NEMP2: variants seen among roughly 807,000 people sequenced by gnomAD.
NEMP2 encodes the protein nuclear envelope integral membrane protein 2.
Under a neutral mutation model 54.2 loss-of-function variants are expected in NEMP2, and 53 were observed. The observed-to-expected ratio is 0.98, with a 90% confidence interval of 0.78 to 1.23. The LOEUF is 1.23. Ranked by LOEUF, NEMP2 falls within the 50% of genes most tolerant of loss-of-function variation. The pLI, the probability that NEMP2 is intolerant of heterozygous loss-of-function variation, is 0.00. For synonymous variants in NEMP2, 197 were observed against 190.3 expected (o/e 1.04, Z -0.29); for missense variants, 455 against 511.3 (o/e 0.89, Z 1.06).
chr2:190,490,304 C>T, the NEMP2 span, among the ~76,000 whole-genome samples: 15 of 151,662 alleles, frequency 9.9e-5, no homozygotes, highest in Admixed American at 6.6e-5. This position sits in a 1 kb window ranked among gnomAD's most constrained non-coding sequence, Gnocchi z 4.5. Context: ...TGGCTCACGC[C>T]TGTAATCCCA....
At chr2:190,472,210 C>G in the NEMP2 span, among the ~76,000 whole-genome samples, 3 of 152,232 alleles carry the variant, frequency 2.0e-5, no homozygotes, top group African/African-American at 7.2e-5. Flanking sequence ...AACGCAGCTC[C>G]TCACTAGCAA....
At chr2:190,515,569 G>C (rs2125315337) in intron 6 of NEMP2, among the ~76,000 whole-genome samples, 1 of 152,276 alleles carries the variant, frequency 6.6e-6, no homozygotes, top group African/African-American at 2.4e-5. Flanking sequence ...GAGAGGAATA[G>C]TGCAGTATTC....
At chr2:190,473,728 C>G in the NEMP2 span, among the ~76,000 whole-genome samples, 1 of 152,204 alleles carries the variant, frequency 6.6e-6, no homozygotes, top group Admixed American at 6.5e-5. Context: ...ACCTAATAGA[C>G]ATCTACAGAA....
the NEMP2 span, among the ~76,000 whole-genome samples, chr2:190,557,636 A>C: frequency 6.6e-6 from 1 of 152,216 alleles, no homozygotes; most frequent in Non-Finnish European, 1.5e-5. Context: ...AGGAAAAAAA[A>C]ACAACCCCAT....
the NEMP2 span, among the ~76,000 whole-genome samples, chr2:190,627,478 GACT>G: frequency 1.3e-5 from 2 of 151,734 alleles, no homozygotes; most frequent in African/African-American, 4.8e-5. This position sits in a 1 kb window ranked among gnomAD's most constrained non-coding sequence, Gnocchi z 4.4. Flanking sequence ...AATGTTTCTT[GACT>G]ACATTTTAAA....
At chr2:190,644,670 CACTT>C in the NEMP2 span, among the ~76,000 whole-genome samples, 1 of 151,842 alleles carries the variant, frequency 6.6e-6, no homozygotes, top group African/African-American at 2.4e-5. The surrounding 1 kb of genome is among the most constrained non-coding windows in gnomAD (Gnocchi z 4.4). Context: ...CTCATGCTCT[CACTT>C]ACAAGTGGGA....
the NEMP2 span, chr2:190,442,431 G>A: frequency 6.6e-6 from 1 of 152,082 alleles, no homozygotes; most frequent in Non-Finnish European, 1.5e-5. Flanking sequence ...GCCATAGCAA[G>A]GTTCAAAGCA....
the NEMP2 span, among the ~76,000 whole-genome samples, chr2:190,480,087 C>T: frequency 6.6e-6 from 1 of 152,166 alleles, no homozygotes; most frequent in East Asian, 1.9e-4. Context: ...TGCTTGACCC[C>T]AAAAGGTTGA....
chr2:190,568,872 AAC>A, the NEMP2 span, among the ~76,000 whole-genome samples: 1 of 152,154 alleles, frequency 6.6e-6, no homozygotes, highest in South Asian at 2.1e-4. The surrounding 1 kb of genome is among the most constrained non-coding windows in gnomAD (Gnocchi z 4.7). Context: ...ATCAGAGAAA[AAC>A]ACTGTAATAT....
At chr2:190,552,792 A>G in the NEMP2 span, among the ~76,000 whole-genome samples, 3 of 152,216 alleles carry the variant, frequency 2.0e-5, no homozygotes, top group Admixed American at 2.0e-4. Context: ...AATTGGTATT[A>G]ACTTTCTAAG....
chr2:190,449,468 C>T, the NEMP2 span, among the ~76,000 whole-genome samples: 4 of 151,280 alleles, frequency 2.6e-5, no homozygotes, highest in East Asian at 3.9e-4. Flanking sequence ...AGCAAGACTT[C>T]GTCTCAAAAA....
chr2:190,559,168 C>T, the NEMP2 span, among the ~76,000 whole-genome samples: 2 of 152,220 alleles, frequency 1.3e-5, no homozygotes, highest in African/African-American at 4.8e-5. The surrounding 1 kb of genome is among the most constrained non-coding windows in gnomAD (Gnocchi z 4.0). Context: ...GAATTGGTTA[C>T]CAGTTATCCA....
At chr2:190,562,009 A>G in the NEMP2 span, among the ~76,000 whole-genome samples, 3 of 152,224 alleles carry the variant, frequency 2.0e-5, no homozygotes, top group Admixed American at 6.5e-5. This position sits in a 1 kb window ranked among gnomAD's most constrained non-coding sequence, Gnocchi z 5.0. Flanking sequence ...CTTAATACAT[A>G]GAAATGTAAA....
At chr2:190,477,929 G>A in the NEMP2 span, among the ~76,000 whole-genome samples, 2 of 147,274 alleles carry the variant, frequency 1.4e-5, no homozygotes, top group African/African-American at 2.4e-5. Context: ...GGTCTAAAGA[G>A]AGTAGGCATT....
At chr2:190,477,153 A>T in the NEMP2 span, 1 of 586,306 alleles carries the variant, frequency 1.7e-6, no homozygotes, top group Non-Finnish European at 2.1e-6. Flanking sequence ...ATGTATACAT[A>T]TGTAACAAAC....
the NEMP2 span, chr2:190,626,765 G>A: frequency 1.5e-4 from 23 of 152,180 alleles, no homozygotes; most frequent in African/African-American, 4.8e-4. This position sits in a 1 kb window ranked among gnomAD's most constrained non-coding sequence, Gnocchi z 4.5. Flanking sequence ...ATGAGCTCTC[G>A]AATGAATAAC....
the NEMP2 span, among the ~76,000 whole-genome samples, chr2:190,457,644 A>G: frequency 6.6e-6 from 1 of 152,236 alleles, no homozygotes; most frequent in Non-Finnish European, 1.5e-5. The surrounding 1 kb of genome is among the most constrained non-coding windows in gnomAD (Gnocchi z 5.1). Context: ...TTTGTAAAAG[A>G]TGTGGCTGTT....
At chr2:190,455,452 G>A in the NEMP2 span, among the ~76,000 whole-genome samples, 15,018 of 152,158 alleles carry the variant, frequency 0.099, 1,039 homozygotes, top group Non-Finnish European at 0.16. Flanking sequence ...AGGCTCTGCT[G>A]GCCATGGGAA....
the NEMP2 span, among the ~76,000 whole-genome samples, chr2:190,622,701 C>CT: frequency 2.4e-4 from 37 of 152,144 alleles, no homozygotes; most frequent in Non-Finnish European, 4.6e-4. Context: ...GGGAAAGACA[C>CT]ACCACGGACC....
Sources: gnomAD v4.1 joint callset for allele counts (sites outside exome capture counted in the v4.1 genomes callset) on GRCh38, gnomAD v4.1.1 for gene constraint, Gnocchi (gnomAD v3.1) non-coding constraint, MANE v1.5 for transcripts, NCBI Gene and HGNC (gene_info 2026-07-23, HGNC 2026-07-21) for gene names.